DCDC2: variants seen among roughly 807,000 people sequenced by gnomAD.
DCDC2 encodes doublecortin domain-containing protein 2.
DCDC2 carries 40 observed loss-of-function variants against 50.2 expected under a neutral mutation model. That is an observed-to-expected ratio of 0.80 (90% CI 0.62 to 1.04). The LOEUF is 1.04. Among genes scored for constraint, DCDC2 ranks in the 50% least tolerant of loss-of-function variants. The probability of loss-of-function intolerance (pLI) is 0.00; values close to 1 mark genes in which losing one functional copy is unlikely to be tolerated. For missense variants in DCDC2, 570 were observed against 581.9 expected, an observed-to-expected ratio of 0.98 and a Z score of 0.21; for synonymous variants, 234 against 210.6, an observed-to-expected ratio of 1.11 and a Z score of -0.96.
At chr6:24,198,484 A>G (rs1262739728) in intron 8 of DCDC2, among the ~76,000 whole-genome samples, 4 of 152,030 alleles carry the variant, frequency 2.6e-5, no homozygotes, top group African/African-American at 9.7e-5. Context: ...CGGATGCTAC[A>G]TTTTCCCCAC....
At chr6:24,349,425 GAA>G (rs1760323669) in intron 2 of DCDC2, among the ~76,000 whole-genome samples, 1 of 152,192 alleles carries the variant, frequency 6.6e-6, no homozygotes, top group South Asian at 2.1e-4. Context: ...AGGAAAACAA[GAA>G]GAGAGGAAGC....
At chr6:24,285,301 G>A (rs1182273877) in intron 6 of DCDC2, among the ~76,000 whole-genome samples, 1 of 152,092 alleles carries the variant, frequency 6.6e-6, no homozygotes, top group East Asian at 1.9e-4. Flanking sequence ...GCTTTCTATG[G>A]GATGCAAATA....
the DCDC2 span, among the ~76,000 whole-genome samples, chr6:24,371,683 A>G: frequency 1.3e-5 from 2 of 152,228 alleles, no homozygotes; most frequent in African/African-American, 4.8e-5. Flanking sequence ...CAGAGTGAAC[A>G]GGCAACCTAC....
chr6:24,178,312 C>G lies in DCDC2; in HGVS notation c.1326+18G>C, dbSNP rs1266896398. On this transcript the variant is annotated intron_variant, in intron 9 of 9. Transcript: ENST00000378454. Reference sequence around the variant, plus strand: ...ATATTCATGCATTCACATAAGCAAGCAAAAGCAATAGAAATACCTCATCTT... The same window carrying G: ...ATATTCATGCATTCACATAAGCAAGGAAAAGCAATAGAAATACCTCATCTT... 6.2e-7 allele frequency: 1 copy of G among 1,606,330 alleles called. No individual in the cohort carries two copies. Among genetic ancestry groups the G allele is most frequent in the Non-Finnish European group, 8.5e-7 (1 of 1,175,446 alleles).
chr6:24,205,192 A>G (rs772185694), intron 7 of DCDC2, 90 bp from the exon 8 acceptor site: 17 of 1,613,828 alleles, frequency 1.1e-5, no homozygotes, highest in Non-Finnish European at 1.4e-5. Flanking sequence ...CTTATTTTTA[A>G]TAGACATTTG....
intron 6 of DCDC2, among the ~76,000 whole-genome samples, chr6:24,278,860 G>A (rs928989667): frequency 3.3e-5 from 5 of 152,156 alleles, no homozygotes; most frequent in Non-Finnish European, 7.3e-5. Flanking sequence ...GTCTGTTGGT[G>A]ACCACCATGG....
intron 8 of DCDC2, among the ~76,000 whole-genome samples, chr6:24,196,553 T>C (rs1230806555): frequency 1.3e-5 from 2 of 152,138 alleles, no homozygotes; most frequent in African/African-American, 4.8e-5. Flanking sequence ...CCCGATTATC[T>C]GGAATTACAG....
At chr6:24,299,564 C>T (rs113018399) in intron 4 of DCDC2, among the ~76,000 whole-genome samples, 6 of 152,034 alleles carry the variant, frequency 3.9e-5, no homozygotes, top group South Asian at 2.1e-4. Flanking sequence ...TGAGATGTTG[C>T]CCAACTAAAA....
At chr6:24,241,694 G>C (rs920968552) in intron 7 of DCDC2, among the ~76,000 whole-genome samples, 1 of 152,186 alleles carries the variant, frequency 6.6e-6, no homozygotes, top group Non-Finnish European at 1.5e-5. Context: ...CATTTAGAGA[G>C]TAATCTCAAA....
At chr6:24,238,143 ATGCAGG>A (rs1581604457) in intron 7 of DCDC2, among the ~76,000 whole-genome samples, 98 of 378 alleles carry the variant, frequency 0.26, 44 homozygotes, top group African/African-American at 0.33. Context: ...GGAGGAAGGG[ATGCAGG>A]GAGGAATGGA....
Position 24,174,492 on chromosome 6 carries a change from C to A in DCDC2, c.*238G>T. The A allele has an allele frequency of 3.4e-6, 1 of 293,898 alleles. No individual in the cohort carries two copies. The highest frequency in any genetic ancestry group is 4.8e-5 in the Admixed American group (1 of 20,978). 18.2% of individuals were successfully genotyped at this position (293,898 alleles called of 1,614,324 possible). On this transcript the variant is annotated 3_prime_UTR_variant, in exon 10 of 10. Coordinates refer to ENST00000378454, the MANE Select transcript of DCDC2 (RefSeq NM_016356.5). ...TCTTCCAGTGCAAATTCTCCTCTGT[C>A]CGTCTTATTTAATATTTCTATATGA...
At chr6:24,205,197 C>G (rs1336833901) in intron 7 of DCDC2, 95 bp from the exon 8 acceptor site, 1 of 1,613,754 alleles carries the variant, frequency 6.2e-7, no homozygotes, top group Non-Finnish European at 8.5e-7. Flanking sequence ...TTTTAATAGA[C>G]ATTTGGATTC....
intron 8 of DCDC2, among the ~76,000 whole-genome samples, chr6:24,203,292 A>G (rs1401398817): frequency 1.3e-5 from 2 of 152,202 alleles, no homozygotes; most frequent in Non-Finnish European, 2.9e-5. Flanking sequence ...ACAGATATAT[A>G]GACCAACTGA....
intron 7 of DCDC2, among the ~76,000 whole-genome samples, chr6:24,230,429 C>T (rs761403167): frequency 6.6e-6 from 1 of 151,936 alleles, no homozygotes. Flanking sequence ...ATCACTTGAG[C>T]GCAGGAGTTC....
intron 7 of DCDC2, among the ~76,000 whole-genome samples, chr6:24,271,832 C>T (rs1216221269): frequency 2.6e-5 from 4 of 152,146 alleles, no homozygotes; most frequent in African/African-American, 7.2e-5. Flanking sequence ...TATCAAAATA[C>T]CTATTTAAAA....
chr6:24,301,650 G>C, intron 4 of DCDC2, 65 bp downstream of exon 4: 1 of 1,584,252 alleles, frequency 6.3e-7, no homozygotes, highest in Non-Finnish European at 8.6e-7. Flanking sequence ...AGTGACTCCG[G>C]AGCCTCCTGA....
the DCDC2 span, among the ~76,000 whole-genome samples, chr6:24,371,290 A>G: frequency 7.1e-6 from 1 of 139,878 alleles, no homozygotes; most frequent in Non-Finnish European, 1.5e-5. Flanking sequence ...AAAAAAAAAA[A>G]AAAGAAAAGA....
At chr6:24,186,797 A>C (rs1761212460) in intron 8 of DCDC2, among the ~76,000 whole-genome samples, 1 of 152,200 alleles carries the variant, frequency 6.6e-6, no homozygotes, top group Non-Finnish European at 1.5e-5. Context: ...TGGGGGCTGA[A>C]CTGTACCCTC....
chr6:24,293,439 G>C (rs1382995649), intron 4 of DCDC2, among the ~76,000 whole-genome samples: 1 of 152,130 alleles, frequency 6.6e-6, no homozygotes, highest in Non-Finnish European at 1.5e-5. Flanking sequence ...TATCCCAAGA[G>C]AGCAGCAACC....
Sources: gnomAD v4.1 joint callset for allele counts (sites outside exome capture counted in the v4.1 genomes callset) on GRCh38, gnomAD v4.1.1 for gene constraint, MANE v1.5 for transcripts, NCBI Gene and HGNC (gene_info 2026-07-23, HGNC 2026-07-21) for gene names.